Variants in MEIS1 observed in about 807,000 individuals in gnomAD.
MEIS1 encodes the protein Meis homeobox 1.
Under a neutral mutation model 50.8 loss-of-function variants are expected in MEIS1, and 5 were observed. The observed-to-expected ratio is 0.10, with a 90% CI of 0.05 to 0.21. The LOEUF is 0.21. Among genes scored for constraint, MEIS1 ranks in the 10% least tolerant of loss-of-function variants. MEIS1 has a pLI of 1.00. For missense variants in MEIS1, 318 were observed against 517.3 expected (o/e 0.61, Z 3.74); for synonymous variants, 176 against 179.3 (o/e 0.98, Z 0.15).
At chr2:66,461,534 A>T (rs1431113397) in intron 6 of MEIS1, among the ~76,000 whole-genome samples, 2 of 152,206 alleles carry the variant, frequency 1.3e-5, no homozygotes, top group African/African-American at 4.8e-5. Context: ...GTTAGATTTC[A>T]CTTCAGAGAA....
intron 7 of MEIS1, among the ~76,000 whole-genome samples, chr2:66,487,465 A>G (rs17032114): frequency 0.097 from 14,811 of 152,196 alleles, 1,407 homozygotes; most frequent in African/African-American, 0.24. Context: ...TTTCAGCTAT[A>G]CCTATATTCC....
chr2:66,520,528 TCA>T lies in MEIS1; in HGVS notation c.888+8237_888+8238del, dbSNP rs1294838307. Reference sequence around the variant, plus strand: ...TTCCCAACTTCAAGGGGGAAGAACTTCACAAAATGAATTCGTTGAAAAAATAA... The same window carrying T: ...TTCCCAACTTCAAGGGGGAAGAACTTCAAAATGAATTCGTTGAAAAAATAA... On this transcript the variant is annotated intron_variant, in intron 8 of 12. Coordinates refer to ENST00000272369, the MANE Select transcript of MEIS1 (RefSeq NM_002398.3). Among the ~76,000 whole-genome samples, 72 of 152,084 alleles carry T rather than the reference TCA, an allele frequency of 4.7e-4. 2 individuals carry two copies. In the South Asian group the frequency reaches 0.015, roughly 32 times the overall value.
chr2:66,441,396 G>A lies in MEIS1; in HGVS notation c.433-18G>A. On this transcript the variant is annotated intron_variant, in intron 4 of 12. Coordinates refer to ENST00000272369, the MANE Select transcript of MEIS1 (RefSeq NM_002398.3). ...GCAAGCCAGGAATGGGGTGCTTATT[G>A]TTTTTGTATCTTTGCAGATGATTCA... is the stretch of plus-strand genomic sequence containing the variant. 6.5e-7 allele frequency: 1 copy of A among 1,540,496 alleles called. No individual in the cohort carries two copies. Among genetic ancestry groups the A allele is most frequent in the Non-Finnish European group, 8.7e-7 (1 of 1,144,302 alleles).
rs1001820647 is a variant in MEIS1 at position 66,573,397 on chromosome 2, C to G, written c.*2189C>G. The G allele has an allele frequency of 2.6e-5, 4 of 152,086 alleles. No homozygotes were observed. The highest frequency in any genetic ancestry group is 5.9e-5 in the Non-Finnish European group (4 of 68,010). The allele number at this position is 152,086 out of a possible 1,614,324, so 9.4% of individuals were successfully genotyped here. ...AGGCAAATTCGTTTTAAAAAATAAGCCTTTCAGTAGTGATTGCTTTGTAAA... is the reference window on the plus strand; with the variant it reads ...AGGCAAATTCGTTTTAAAAAATAAGGCTTTCAGTAGTGATTGCTTTGTAAA... On this transcript the variant is annotated 3_prime_UTR_variant, in exon 13 of 13. Transcript: ENST00000272369.
intron 7 of MEIS1, among the ~76,000 whole-genome samples, chr2:66,504,040 C>T (rs1219013671): frequency 6.6e-6 from 1 of 151,866 alleles, no homozygotes; most frequent in Non-Finnish European, 1.5e-5. Context: ...CCACCGCGCC[C>T]AGCCCTATGA....
At chr2:66,550,945 ATC>A (rs1674904042) in intron 9 of MEIS1, among the ~76,000 whole-genome samples, 1 of 152,154 alleles carries the variant, frequency 6.6e-6, no homozygotes, top group Non-Finnish European at 1.5e-5. Flanking sequence ...ACTTTTAAAC[ATC>A]TGTGTCTTCC....
chr2:66,450,304 T>C (rs753036880), intron 6 of MEIS1, among the ~76,000 whole-genome samples: 7 of 152,258 alleles, frequency 4.6e-5, no homozygotes, highest in African/African-American at 1.4e-4. Flanking sequence ...GAGTGTGTAA[T>C]GTTATGCTTC....
At chr2:66,482,790 T>C (rs529284692) in intron 7 of MEIS1, among the ~76,000 whole-genome samples, 4 of 152,330 alleles carry the variant, frequency 2.6e-5, no homozygotes, top group Non-Finnish European at 2.9e-5. Context: ...TATTTCCCAA[T>C]GTTGCTCTCT....
intron 8 of MEIS1, among the ~76,000 whole-genome samples, chr2:66,540,495 A>T (rs1461364988): frequency 1.3e-5 from 2 of 152,112 alleles, no homozygotes; most frequent in Admixed American, 1.3e-4. Flanking sequence ...CTTTTAGTAG[A>T]GATGGGATTT....
chr2:66,530,501 T>G (rs1469646020), intron 8 of MEIS1, among the ~76,000 whole-genome samples: 1 of 151,608 alleles, frequency 6.6e-6, no homozygotes, highest in African/African-American at 2.4e-5. Flanking sequence ...GATCATAAGG[T>G]CAGGAGATCG....
At chr2:66,560,059 G>T (rs1675173683) in intron 9 of MEIS1, among the ~76,000 whole-genome samples, 1 of 145,624 alleles carries the variant, frequency 6.9e-6, no homozygotes. Context: ...GCCTCCAAAA[G>T]TGCTGGTATT....
intron 9 of MEIS1, among the ~76,000 whole-genome samples, chr2:66,558,301 A>G (rs966183875): frequency 6.0e-5 from 9 of 149,716 alleles, no homozygotes; most frequent in Non-Finnish European, 4.4e-5. Flanking sequence ...AAAAAAAAAA[A>G]AAAGAAAAAA....
intron 6 of MEIS1, among the ~76,000 whole-genome samples, chr2:66,448,108 G>A (rs922358692): frequency 2.0e-5 from 3 of 152,112 alleles, no homozygotes; most frequent in African/African-American, 7.2e-5. Flanking sequence ...AGAAAACATG[G>A]AGAATCTTAA....
intron 6 of MEIS1, among the ~76,000 whole-genome samples, chr2:66,446,111 G>A (rs1672137143): frequency 2.0e-5 from 3 of 152,176 alleles, no homozygotes; most frequent in Admixed American, 1.3e-4. Context: ...CGACCCCGGA[G>A]CAGAGGGAGA....
chr2:66,502,164 A>G (rs977493599), intron 7 of MEIS1, among the ~76,000 whole-genome samples: 1 of 152,232 alleles, frequency 6.6e-6, no homozygotes, highest in African/African-American at 2.4e-5. Flanking sequence ...ATTGTGTTAC[A>G]TCCACAGAAC....
intron 7 of MEIS1, among the ~76,000 whole-genome samples, chr2:66,487,684 C>A (rs548633306): frequency 6.6e-6 from 1 of 152,282 alleles, no homozygotes; most frequent in East Asian, 1.9e-4. Flanking sequence ...GACTTGCTGT[C>A]CTTGAAATAC....
chr2:66,443,330 T>A (rs1369650542), intron 6 of MEIS1: 1 of 360,576 alleles, frequency 2.8e-6, no homozygotes, highest in African/African-American at 2.2e-5. Flanking sequence ...TTACCCTCTA[T>A]AATAATGGGA....
intron 7 of MEIS1, chr2:66,509,081 G>A (rs777671740): frequency 1.9e-5 from 9 of 471,486 alleles, no homozygotes; most frequent in Non-Finnish European, 8.8e-6. Context: ...AGACCACATT[G>A]AGGTGACTAT....
rs1286348935 is a variant in MEIS1, at chr2:66,440,785, GAAA to G, written c.432+174_432+176del. The G allele has an allele frequency of 1.7e-5, 10 of 578,788 alleles. 1 individual carries two copies. In the South Asian group the frequency reaches 2.4e-4, roughly 14 times the overall value. The allele number at this position is 578,788 out of a possible 1,614,324, so 35.9% of individuals were successfully genotyped here. Reference sequence around the variant, plus strand: ...AACTGGTCCGGGACAAGATCCCGGGGAAATAAATTCATCTCGAGAGGGGCCGGG... The same window carrying G: ...AACTGGTCCGGGACAAGATCCCGGGGTAAATTCATCTCGAGAGGGGCCGGG... On this transcript the variant is annotated intron_variant, in intron 4 of 12. Transcript: ENST00000272369.
Sources: gnomAD v4.1 joint callset for allele counts (sites outside exome capture counted in the v4.1 genomes callset) on GRCh38, gnomAD v4.1.1 for gene constraint, MANE v1.5 for transcripts, NCBI Gene and HGNC (gene_info 2026-07-23, HGNC 2026-07-21) for gene names.